DAZAP1: variants seen among roughly 807,000 people sequenced by gnomAD.
The protein encoded by DAZAP1 is DAZ associated protein 1, also known as DAZ-associated protein 1.
Under a neutral mutation model 60.1 loss-of-function variants are expected in DAZAP1, and 6 were observed. That is an observed-to-expected ratio of 0.10 (90% CI 0.05 to 0.20). DAZAP1 has a LOEUF of 0.20. DAZAP1 is among the 10% of genes least tolerant of loss of function. DAZAP1 has a pLI of 1.00. For synonymous variants in DAZAP1, 235 were observed against 215.9 expected (o/e 1.09, Z -0.78); for missense variants, 366 against 560.4 (o/e 0.65, Z 3.50).
At chr19:1,430,491 A>G (rs897068920) in intron 10 of DAZAP1, 129 bp downstream of exon 10, 4 of 827,122 alleles carry the variant, frequency 4.8e-6, no homozygotes, top group Non-Finnish European at 5.3e-6. Flanking sequence ...GCTGGTCAGC[A>G]GGTCACCTGC....
rs1174774509 is a variant in DAZAP1, at chr19:1,435,378, T to C, written c.*466T>C. 6 of 152,322 alleles carry C rather than the reference T, an allele frequency of 3.9e-5. No homozygotes were observed. The highest frequency in any genetic ancestry group is 1.4e-4 in the African/African-American group (6 of 41,458). The allele number at this position is 152,322 out of a possible 1,614,324, so 9.4% of individuals were successfully genotyped here. A position where few individuals can be genotyped will look rare whatever the true frequency, so the allele number is the denominator to read the frequency against. The stretch of plus-strand genomic sequence containing the variant: ...GTCGGCACTGGTGGAGGGGGTGCGC[T>C]GTTAGTCCCCTCGCTCCTGGCTTTG... On this transcript the variant is annotated 3_prime_UTR_variant, in exon 12 of 12. Coordinates refer to ENST00000233078, the MANE Select transcript of DAZAP1 (RefSeq NM_018959.4).
chr19:1,407,823 C>T (rs1434048928), intron 1 of DAZAP1, 21 bp downstream of exon 1: 5 of 1,067,880 alleles, frequency 4.7e-6, no homozygotes, highest in African/African-American at 1.7e-5. Flanking sequence ...GCGGCGCGGG[C>T]CTGCGTCTCC....
rs1424338907 is a variant in DAZAP1 at position 1,407,664 on chromosome 19, T to TCCGCCGCCGCC, written c.-110_-109insCCGCCGCCGCC. 4 of 351,424 alleles carry TCCGCCGCCGCC rather than the reference T, an allele frequency of 1.1e-5. No homozygotes were observed. In the African/African-American group the frequency reaches 1.6e-4, roughly 14 times the overall value. 21.8% of individuals were successfully genotyped at this position (351,424 alleles called of 1,614,324 possible). ...CCGCCGCCGCCGCCGCCGCCGCCGTTGCGCAGATCCGGGCCGCGGCTGTGG... is the reference window on the plus strand; with the variant it reads ...CCGCCGCCGCCGCCGCCGCCGCCGTTCCGCCGCCGCCGCGCAGATCCGGGCCGCGGCTGTGG... On this transcript the variant is annotated 5_prime_UTR_variant, in exon 1 of 12. Coordinates refer to ENST00000233078, the MANE Select transcript of DAZAP1 (RefSeq NM_018959.4).
At position 1,418,836 on chromosome 19, in the gene DAZAP1, C is replaced by T. The variant is rs1020420069; in HGVS notation, c.303+105C>T. 1.7e-5 allele frequency: 21 copies of T among 1,216,238 alleles called. No individual in the cohort carries two copies. Among genetic ancestry groups the T allele is most frequent in the East Asian group, 1.2e-4 (5 of 40,822 alleles). The allele number at this position is 1,216,238 out of a possible 1,614,324, so 75.3% of individuals were successfully genotyped here. A position where few individuals can be genotyped will look rare whatever the true frequency, so the allele number is the denominator to read the frequency against. On this transcript the variant is annotated intron_variant, in intron 4 of 11. Coordinates refer to ENST00000233078, the MANE Select transcript of DAZAP1 (RefSeq NM_018959.4). The surrounding 1 kb of genome is among the most constrained non-coding windows in gnomAD (Gnocchi z 5.7). ...TGTCGCTCGTTAAGATTGAGGGCGA[C>T]GCAGGTCTTCTGGGTTGGCACTCGA... is the stretch of plus-strand genomic sequence containing the variant.
intron 8 of DAZAP1, 40 bp from the exon 9 acceptor site, chr19:1,429,927 T>C (rs1445630008): frequency 2.6e-6 from 4 of 1,555,176 alleles, no homozygotes; most frequent in Non-Finnish European, 2.6e-6. Flanking sequence ...GGACAGCTGG[T>C]GGACACGGCG....
chr19:1,408,709 T>C (rs1278868570), intron 1 of DAZAP1, among the ~76,000 whole-genome samples: 4 of 152,200 alleles, frequency 2.6e-5, no homozygotes, highest in African/African-American at 9.6e-5. Flanking sequence ...CCGCGGATCT[T>C]TGCTGCGCCG....
At chr19:1,429,280 G>A (rs556934374) in intron 8 of DAZAP1, among the ~76,000 whole-genome samples, 2 of 152,356 alleles carry the variant, frequency 1.3e-5, no homozygotes, top group South Asian at 2.1e-4. Context: ...CCTCGCGACC[G>A]TGTGCCACGG....
In DAZAP1 at chr19:1,430,285, A is replaced by G; in HGVS notation, c.794A>G (p.Tyr265Cys). 1 of 1,470,650 alleles carries G rather than the reference A, an allele frequency of 6.8e-7. No homozygotes were observed. Among genetic ancestry groups the G allele is most frequent in the African/African-American group, 1.4e-5 (1 of 69,630 alleles). The allele number at this position is 1,470,650 out of a possible 1,614,324, so 91.1% of individuals were successfully genotyped here. A position where few individuals can be genotyped will look rare whatever the true frequency, so the allele number is the denominator to read the frequency against. ...APPPPPPFTS[Y>C]IVSTPPGGFP... ...CCGCCACCCCCACCGTTCACCTCCT[A>G]CATCGTGTCCACCCCTCCTGGAGGC... The change falls in exon 10 of 12, where the codon TAC (tyrosine) becomes TGC (cysteine). Residue 265 changes from tyrosine (Y) to cysteine (C), a missense_variant. Tyr to Cys is a radical substitution (Grantham distance 194). This residue lies in a region of DAZAP1 where 240 missense variants were observed against 308.8 expected (regional missense o/e 0.78). Coordinates refer to ENST00000233078, the MANE Select transcript of DAZAP1 (RefSeq NM_018959.4).
chr19:1,407,762 G>A lies in DAZAP1; in HGVS notation c.-12G>A. On this transcript the variant is annotated 5_prime_UTR_variant, in exon 1 of 12. Transcript: ENST00000233078. Reference sequence around the variant, plus strand: ...AGGCCCGGGAGCGCCGAGCGTCGCCGCCGCCGCCGCCATGAACAACTCGGG... The same window carrying A: ...AGGCCCGGGAGCGCCGAGCGTCGCCACCGCCGCCGCCATGAACAACTCGGG... 1 of 1,089,250 alleles carries A rather than the reference G, an allele frequency of 9.2e-7. No homozygotes were observed. Among genetic ancestry groups the A allele is most frequent in the Non-Finnish European group, 1.1e-6 (1 of 898,008 alleles). The allele number at this position is 1,089,250 out of a possible 1,614,324, so 67.5% of individuals were successfully genotyped here.
chr19:1,418,411 C>T lies in DAZAP1; in HGVS notation c.237+41C>T. The T allele has an allele frequency of 1.9e-6, 3 of 1,600,548 alleles. No homozygotes were observed. The highest frequency in any genetic ancestry group is 2.6e-6 in the Non-Finnish European group (3 of 1,170,806). ...GGAGCTCACACCCGCTCTCTGTCTC[C>T]CCTGTCCTTCCTCTGCTTCATTTTT... On this transcript the variant is annotated intron_variant, in intron 3 of 11. Transcript: ENST00000233078. This position sits in a 1 kb window ranked among gnomAD's most constrained non-coding sequence, Gnocchi z 5.7.
Position 1,425,782 on chromosome 19 carries a change from C to G in DAZAP1, c.464-96C>G, listed in dbSNP as rs1307382498. On this transcript the variant is annotated intron_variant, in intron 6 of 11. Coordinates refer to ENST00000233078, the MANE Select transcript of DAZAP1 (RefSeq NM_018959.4). This position sits in a 1 kb window ranked among gnomAD's most constrained non-coding sequence, Gnocchi z 5.4. ...CCCCACACACAGCTTAGCTGAAACC[C>G]AAGGTCGATCCCTCGGCCCGTCCCT... 1 of 908,490 alleles carries G rather than the reference C, an allele frequency of 1.1e-6. No homozygotes were observed. The highest frequency in any genetic ancestry group is 1.6e-5 in the African/African-American group (1 of 61,218). 56.3% of individuals were successfully genotyped at this position (908,490 alleles called of 1,614,324 possible).
intron 2 of DAZAP1, among the ~76,000 whole-genome samples, chr19:1,417,802 T>C (rs974657187): frequency 6.6e-6 from 1 of 152,202 alleles, no homozygotes; most frequent in African/African-American, 2.4e-5. Context: ...GGCAGACAGC[T>C]GTTGTCTGGA....
rs1378194640 is a variant in DAZAP1, at chr19:1,426,086, GCGTGAGGTGGGCCTGGGTCTGTAGA to G, written c.546+134_546+158del. 1 of 743,962 alleles carries G rather than the reference GCGTGAGGTGGGCCTGGGTCTGTAGA, an allele frequency of 1.3e-6. No homozygotes were observed. The highest frequency in any genetic ancestry group is 2.4e-6 in the Non-Finnish European group (1 of 411,036). The allele number at this position is 743,962 out of a possible 1,614,324, so 46.1% of individuals were successfully genotyped here. ...CGAGTTCGTCCTGTGAACCTTTGCT[GCGTGAGGTGGGCCTGGGTCTGTAGA>G]CGTGAGGAGGGTCCCATCCTTCCCC... On this transcript the variant is annotated intron_variant, in intron 7 of 11. Transcript: ENST00000233078. This position sits in a 1 kb window ranked among gnomAD's most constrained non-coding sequence, Gnocchi z 5.4.
rs2083284750 is a variant in DAZAP1 at position 1,425,494 on chromosome 19, C to A, written c.464-384C>A. Among the ~76,000 whole-genome samples the A allele has an allele frequency of 2.0e-5, 3 of 152,236 alleles. No individual in the cohort carries two copies. Among genetic ancestry groups the A allele is most frequent in the Admixed American group, 1.3e-4 (2 of 15,288 alleles). On this transcript the variant is annotated intron_variant, in intron 6 of 11. Transcript: ENST00000233078. The surrounding 1 kb of genome is among the most constrained non-coding windows in gnomAD (Gnocchi z 5.4). ...TATTCAAGCACGGGCCTCTGACCCT[C>A]CCCTGGGGGGCGCTTTGTCTGCCAG...
rs1555783282 is a variant in DAZAP1 at position 1,422,856 on chromosome 19, C to CTTTTTCT, written c.463+465_463+466insCTTTTTT. ...TCTTTTTTCCTTTTCTTTTCTTTTT[C>CTTTTTCT]TTTTTTTTCAGTTTTCTCCCCTCTC... On this transcript the variant is annotated intron_variant, in intron 6 of 11. Transcript: ENST00000233078. This position sits in a 1 kb window ranked among gnomAD's most constrained non-coding sequence, Gnocchi z 4.5. Among the ~76,000 whole-genome samples the CTTTTTCT allele has an allele frequency of 3.3e-5, 5 of 149,486 alleles. No individual in the cohort carries two copies. Among genetic ancestry groups the CTTTTTCT allele is most frequent in the African/African-American group, 7.4e-5 (3 of 40,296 alleles).
rs1156734620 is a variant in DAZAP1, at chr19:1,415,364, T to TGTGA, written c.30-2133_30-2132insAGTG. On this transcript the variant is annotated intron_variant, in intron 1 of 11. Coordinates refer to ENST00000233078, the MANE Select transcript of DAZAP1 (RefSeq NM_018959.4). The stretch of plus-strand genomic sequence containing the variant: ...GTTTTCAGGGTTTTATGTGTGTGTG[T>TGTGA]GTGTGTGTGTGTGTGTGTGTGTGTG... Among the ~76,000 whole-genome samples the TGTGA allele has an allele frequency of 6.2e-5, 9 of 145,470 alleles. No individual in the cohort carries two copies. In the East Asian group the frequency reaches 1.6e-3, roughly 26 times the overall value.
rs973598828 is a variant in DAZAP1, at chr19:1,423,090, G to A, written c.463+694G>A. On this transcript the variant is annotated intron_variant, in intron 6 of 11. Transcript: ENST00000233078. The surrounding 1 kb of genome is among the most constrained non-coding windows in gnomAD (Gnocchi z 6.8). The stretch of plus-strand genomic sequence containing the variant: ...TCATCAGCTGCTTTTGGCCGGCCAC[G>A]TGAGCAGACCTGCAGCCTGGGTCTG... Among the ~76,000 whole-genome samples the A allele has an allele frequency of 9.9e-5, 15 of 151,960 alleles. No homozygotes were observed. The highest frequency in any genetic ancestry group is 3.1e-4 in the African/African-American group (13 of 41,424).
intron 1 of DAZAP1, among the ~76,000 whole-genome samples, chr19:1,412,588 C>T (rs375570931): frequency 1.3e-5 from 2 of 152,194 alleles, no homozygotes; most frequent in Non-Finnish European, 2.9e-5. Context: ...GGCTGGCCGC[C>T]GGTTTTTGAA....
At chr19:1,421,429 C>T (rs1239283637) in intron 5 of DAZAP1, among the ~76,000 whole-genome samples, 171 bp downstream of exon 5, 2 of 152,272 alleles carry the variant, frequency 1.3e-5, no homozygotes, top group East Asian at 1.9e-4. Flanking sequence ...GTGGAAAGCC[C>T]GGCCTTTGCC....
Sources: allele counts gnomAD v4.1 joint callset (sites outside exome capture counted in the v4.1 genomes callset), GRCh38; gene constraint gnomAD v4.1.1; regional missense constraint gnomAD v4.1.1; non-coding constraint Gnocchi (gnomAD v3.1); transcripts MANE v1.5; gene names NCBI Gene and HGNC (gene_info 2026-07-23, HGNC 2026-07-21).